The following GRK3 variants were observed in gnomAD, a reference collection of about 807,000 sequenced individuals.
GRK3 encodes adrenergic, beta, receptor kinase 2.
Under a neutral mutation model 95.7 loss-of-function variants are expected in GRK3, and 54 were observed. The observed-to-expected ratio is 0.56, with a 90% CI of 0.45 to 0.71. The LOEUF is 0.71. GRK3 is among the 30% of genes least tolerant of loss of function. The probability of loss-of-function intolerance (pLI) is 0.00; values close to 1 mark genes in which losing one functional copy is unlikely to be tolerated. For synonymous variants in GRK3, 281 were observed against 290.8 expected (o/e 0.97, Z 0.34); for missense variants, 649 against 851.2 (o/e 0.76, Z 2.96).
chr22:25,720,939 G>T (rs570459799), intron 19 of GRK3, among the ~76,000 whole-genome samples: 53 of 152,276 alleles, frequency 3.5e-4, no homozygotes, highest in African/African-American at 1.1e-3. Flanking sequence ...ATGTGGCTCT[G>T]TTGCTTCCTC....
chr22:25,656,584 C>G (rs921690330), intron 3 of GRK3, among the ~76,000 whole-genome samples: 1 of 152,160 alleles, frequency 6.6e-6, no homozygotes, highest in Non-Finnish European at 1.5e-5. Flanking sequence ...CCCATAGCCT[C>G]CCAAAGTGCT....
chr22:25,695,004 A>G (rs561592396), intron 12 of GRK3, 103 bp from the exon 13 acceptor site: 12 of 703,432 alleles, frequency 1.7e-5, no homozygotes, highest in Non-Finnish European at 2.7e-5. Flanking sequence ...TCCTTTGTTT[A>G]CAGTCGCTGC....
rs552644640 is a variant in GRK3 at position 25,664,719 on chromosome 22, T to C, written c.441+1015T>C. Among the ~76,000 whole-genome samples, 81 of 151,930 alleles carry C rather than the reference T, an allele frequency of 5.3e-4. 1 individual carries two copies. The South Asian group carries it at 6.0e-3, about 11-fold the overall frequency. ...TATTTTTAGTAGAGACGGGGTTTCA[T>C]TGTGTTAGCCAGGATGGTCTTGATC... On this transcript the variant is annotated intron_variant, in intron 5 of 20. Coordinates refer to ENST00000324198, the MANE Select transcript of GRK3 (RefSeq NM_005160.4).
At chr22:25,719,882 A>C (rs2085417780) in intron 19 of GRK3, among the ~76,000 whole-genome samples, 1 of 152,216 alleles carries the variant, frequency 6.6e-6, no homozygotes, top group South Asian at 2.1e-4. Flanking sequence ...TACTGTTAGC[A>C]AAGTTTTCAT....
chr22:25,565,213 C>A, intron 1 of GRK3, 60 bp downstream of exon 1: 2 of 878,332 alleles, frequency 2.3e-6, no homozygotes, highest in Non-Finnish European at 1.6e-6. Context: ...CCGCCAGCTA[C>A]CCCCTGCTTC....
chr22:25,667,121 G>A (rs2146407377), intron 5 of GRK3, among the ~76,000 whole-genome samples: 1 of 152,234 alleles, frequency 6.6e-6, no homozygotes, highest in South Asian at 2.1e-4. Context: ...CAGTTTGGTA[G>A]CCTTACCTGT....
intron 15 of GRK3, among the ~76,000 whole-genome samples, chr22:25,708,173 G>A (rs956674013): frequency 1.3e-5 from 2 of 152,282 alleles, no homozygotes; most frequent in Non-Finnish European, 2.9e-5. Flanking sequence ...CTTGAACCCA[G>A]GAGGCGGAGG....
chr22:25,670,444 C>T (rs1196331991), intron 6 of GRK3, among the ~76,000 whole-genome samples: 6 of 151,766 alleles, frequency 4.0e-5, no homozygotes, highest in Non-Finnish European at 7.4e-5. Flanking sequence ...AGGGTTGTAT[C>T]GACCTAGGAT....
chr22:25,676,088 C>T (rs546047716), intron 8 of GRK3, among the ~76,000 whole-genome samples: 47 of 152,272 alleles, frequency 3.1e-4, no homozygotes, highest in Non-Finnish European at 5.6e-4. Flanking sequence ...GTCAGGCTTT[C>T]GGAAGGCTGC....
intron 3 of GRK3, among the ~76,000 whole-genome samples, chr22:25,657,928 C>A (rs112603807): frequency 0.026 from 3,970 of 152,078 alleles, 57 homozygotes; most frequent in African/African-American, 0.039. Flanking sequence ...GATTTGTCTT[C>A]AAATTTATTG....
intron 2 of GRK3, among the ~76,000 whole-genome samples, chr22:25,625,437 C>T (rs2084620276): frequency 6.6e-6 from 1 of 152,194 alleles, no homozygotes; most frequent in Non-Finnish European, 1.5e-5. Flanking sequence ...CAGAAGGGCT[C>T]TTTGGTCTAG....
chr22:25,613,731 A>C (rs1252681839), intron 2 of GRK3, among the ~76,000 whole-genome samples: 1 of 152,202 alleles, frequency 6.6e-6, no homozygotes, highest in Admixed American at 6.5e-5. Flanking sequence ...GTTGGACTAA[A>C]CAAGTCTGGG....
chr22:25,579,876 G>A (rs1932040648), intron 1 of GRK3, among the ~76,000 whole-genome samples: 1 of 152,102 alleles, frequency 6.6e-6, no homozygotes, highest in African/African-American at 2.4e-5. Flanking sequence ...TATTGATTTA[G>A]GCAAAGATCA....
chr22:25,592,545 T>C (rs1932529174), intron 1 of GRK3, among the ~76,000 whole-genome samples: 1 of 152,234 alleles, frequency 6.6e-6, no homozygotes, highest in Non-Finnish European at 1.5e-5. Context: ...AAGTCTTTGC[T>C]TGAACTAGTC....
At chr22:25,604,868 GCT>G (rs144206457) in intron 2 of GRK3, among the ~76,000 whole-genome samples, 2,911 of 152,258 alleles carry the variant, frequency 0.019, 85 homozygotes, top group African/African-American at 0.064. Context: ...CTCAATTTGT[GCT>G]CTGTTTCCAT....
intron 13 of GRK3, among the ~76,000 whole-genome samples, chr22:25,702,012 A>T (rs976499154): frequency 2.0e-5 from 3 of 152,180 alleles, no homozygotes; most frequent in Non-Finnish European, 4.4e-5. Context: ...GAAATAAGGC[A>T]AAAAGAATAT....
At chr22:25,647,927 A>G (rs1007475025) in intron 3 of GRK3, 3 of 519,352 alleles carry the variant, frequency 5.8e-6, no homozygotes, top group African/African-American at 1.9e-5. Context: ...CCTGGCCAAC[A>G]TGGTGAAACC....
In GRK3 at chr22:25,564,915, G is replaced by A; in HGVS notation, c.-126G>A. ...CGCGCGGCGCGCGCGCGGGGCGGGG[G>A]CGCGCGGAGGGGGGGGCTGCCCCGG... On this transcript the variant is annotated 5_prime_UTR_variant, in exon 1 of 21. Transcript: ENST00000324198. 1 of 147,366 alleles carries A rather than the reference G, an allele frequency of 6.8e-6. No individual in the cohort carries two copies. The highest frequency in any genetic ancestry group is 1.5e-5 in the Non-Finnish European group (1 of 68,666). 9.1% of individuals were successfully genotyped at this position (147,366 alleles called of 1,614,324 possible).
At chr22:25,630,879 C>G (rs545032013) in intron 2 of GRK3, among the ~76,000 whole-genome samples, 1 of 152,304 alleles carries the variant, frequency 6.6e-6, no homozygotes, top group Non-Finnish European at 1.5e-5. Flanking sequence ...GAAGATCCAA[C>G]TGTTTACAAT....
Sources: gnomAD v4.1 joint callset for allele counts (sites outside exome capture counted in the v4.1 genomes callset) on GRCh38, gnomAD v4.1.1 for gene constraint, MANE v1.5 for transcripts, NCBI Gene and HGNC (gene_info 2026-07-23, HGNC 2026-07-21) for gene names.